Variants in PCDHA2 observed in about 807,000 individuals in gnomAD.
PCDHA2 encodes the protein protocadherin alpha-2.
Under a neutral mutation model 66.0 loss-of-function variants are expected in PCDHA2, and 58 were observed. That is an observed-to-expected ratio of 0.88 (90% CI 0.71 to 1.09). PCDHA2 has a LOEUF of 1.09. PCDHA2 is among the 50% of genes least tolerant of loss of function. PCDHA2 has a pLI of 0.00. For missense variants in PCDHA2, 1,267 were observed against 1,242.3 expected (o/e 1.02, Z -0.30); for synonymous variants, 634 against 554.0 (o/e 1.14, Z -2.03).
chr5:140,796,062 C>A lies in PCDHA2; in HGVS notation c.1098C>A (p.Gly366=), dbSNP rs782198727. The A allele has an allele frequency of 6.2e-7, 1 of 1,614,216 alleles. No homozygotes were observed. The highest frequency in any genetic ancestry group is 1.7e-5 in the Admixed American group (1 of 60,034). The change falls in exon 1 of 4, where the codon GGC becomes GGA. Residue 366 remains glycine, a synonymous_variant. Transcript: ENST00000526136. ...CCATCTCAGAGAACGCTTCCCTGGG[C>A]ACTGTCATTGCTCTCATCACGGTGT... ...SLPISENASL[G]TVIALITVSD... is the part of the protein sequence containing the mutation.
chr5:140,870,085 C>T lies in PCDHA2; in HGVS notation c.2388+72733C>T, dbSNP rs200687541. ...ACAGGCTACAGATAAGGGGACTCCCCCAATGGCAGGTCACTGTACAGTCTG... is the reference window on the plus strand; with the variant it reads ...ACAGGCTACAGATAAGGGGACTCCCTCAATGGCAGGTCACTGTACAGTCTG... On this transcript the variant is annotated intron_variant, in intron 1 of 3. Coordinates refer to ENST00000526136, the MANE Select transcript of PCDHA2 (RefSeq NM_018905.3). 1.7e-4 allele frequency: 271 copies of T among 1,613,744 alleles called. No homozygotes were observed. The highest frequency in any genetic ancestry group is 1.8e-4 in the Non-Finnish European group (215 of 1,179,872).
At chr5:140,948,868 G>A (rs191976148) in intron 1 of PCDHA2, among the ~76,000 whole-genome samples, 20 of 151,330 alleles carry the variant, frequency 1.3e-4, no homozygotes, top group African/African-American at 4.8e-4. Context: ...ATTACTTCGG[G>A]TTTACTTTGC....
chr5:140,891,635 G>A (rs1266162781), intron 1 of PCDHA2, among the ~76,000 whole-genome samples: 3 of 151,868 alleles, frequency 2.0e-5, no homozygotes, highest in African/African-American at 7.3e-5. Context: ...TTTGCTCTTT[G>A]GGCTTTATTG....
intron 1 of PCDHA2, among the ~76,000 whole-genome samples, chr5:140,909,474 C>G (rs1554193804): frequency 6.6e-6 from 1 of 152,182 alleles, no homozygotes; most frequent in African/African-American, 2.4e-5. Context: ...TCTTCACAGG[C>G]TAAATAGGAG....
Position 140,796,371 on chromosome 5 carries a change from G to C in PCDHA2, c.1407G>C (p.Pro469=), listed in dbSNP as rs781906195. Residue 469 remains proline (P), a synonymous_variant, in exon 1 of 4, where the codon CCG becomes CCC. Transcript: ENST00000526136. The part of the protein sequence containing the change: ...EYTVFVKENN[P]PGCHIFTVSA... ...CAGTATTCGTGAAGGAGAACAACCC[G>C]CCGGGCTGCCACATCTTCACGGTGT... 3 of 1,613,896 alleles carry C rather than the reference G, an allele frequency of 1.9e-6. No individual in the cohort carries two copies. Among genetic ancestry groups the C allele is most frequent in the Non-Finnish European group, 2.5e-6 (3 of 1,179,996 alleles).
At chr5:140,876,616 A>C (rs2056459535) in intron 1 of PCDHA2, 1 of 1,614,196 alleles carries the variant, frequency 6.2e-7, no homozygotes, top group Non-Finnish European at 8.5e-7. Flanking sequence ...CTCTGGAGCC[A>C]ATGGACAGGT....
chr5:140,907,139 T>C (rs2073191409), intron 1 of PCDHA2, among the ~76,000 whole-genome samples: 1 of 152,148 alleles, frequency 6.6e-6, no homozygotes, highest in African/African-American at 2.4e-5. Context: ...GAATTCCGGC[T>C]ATGGGAGAAA....
intron 1 of PCDHA2, chr5:140,860,038 C>T (rs1333374793): frequency 6.6e-6 from 1 of 151,844 alleles, no homozygotes; most frequent in African/African-American, 2.4e-5. Context: ...CCTGTAATCC[C>T]AGCATTTTGA....
intron 3 of PCDHA2, among the ~76,000 whole-genome samples, chr5:140,992,857 C>G (rs1234991129): frequency 6.6e-6 from 1 of 152,148 alleles, no homozygotes; most frequent in African/African-American, 2.4e-5. Context: ...ACCAGTTTCA[C>G]TCTAGCTCCC....
rs375001935 is a variant in PCDHA2, at chr5:140,797,049, T to G, written c.2085T>G (p.Asp695Glu). The G allele has an allele frequency of 1.5e-4, 235 of 1,613,612 alleles. No individual in the cohort carries two copies. The highest frequency in any genetic ancestry group is 1.9e-4 in the Non-Finnish European group (228 of 1,179,978). ...GAAGSEATLV[D>E]VNVYLIIAIC... Reference sequence around the variant, plus strand: ...CGGGCTCAGAGGCTACGCTGGTGGATGTCAACGTGTACCTGATCATCGCCA... The same window carrying G: ...CGGGCTCAGAGGCTACGCTGGTGGAGGTCAACGTGTACCTGATCATCGCCA... The change falls in exon 1 of 4, where the codon GAT becomes GAG. Residue 695 changes from aspartate to glutamate, a missense_variant. Physicochemically the swap from Asp to Glu is conservative, Grantham distance 45. Transcript: ENST00000526136.
chr5:140,980,749 G>A (rs1388943582), intron 2 of PCDHA2, among the ~76,000 whole-genome samples: 1 of 151,942 alleles, frequency 6.6e-6, no homozygotes, highest in Non-Finnish European at 1.5e-5. Flanking sequence ...TTTGAGTAGG[G>A]TAAGAAATAA....
In PCDHA2 at chr5:140,795,570, A is replaced by G. The variant is rs1554119495; in HGVS notation, c.606A>G (p.Arg202=). ...TCGTGCTGGGGAAATCGCTGGACAG[A>G]GAGGAAACTGCTGAGGTTAATTTGT... ...LSLVLGKSLD[R]EETAEVNLLL... is the part of the protein sequence containing the mutation. Residue 202 remains arginine (R), a synonymous_variant, in exon 1 of 4, where the codon AGA becomes AGG. Transcript: ENST00000526136. 6.2e-7 allele frequency: 1 copy of G among 1,614,192 alleles called. No homozygotes were observed. Among genetic ancestry groups the G allele is most frequent in the Admixed American group, 1.7e-5 (1 of 60,032 alleles).
Position 140,823,324 on chromosome 5 carries a change from T to C in PCDHA2, c.2388+25972T>C, listed in dbSNP as rs2150124728. Reference sequence around the variant, plus strand: ...GGTGCACGCGGAGAGCGGCAAGGTGTACGCGCTGCAGCCGCTGGACCACGA... The same window carrying C: ...GGTGCACGCGGAGAGCGGCAAGGTGCACGCGCTGCAGCCGCTGGACCACGA... On this transcript the variant is annotated intron_variant, in intron 1 of 3. Coordinates refer to ENST00000526136, the MANE Select transcript of PCDHA2 (RefSeq NM_018905.3). 8 of 1,611,998 alleles carry C rather than the reference T, an allele frequency of 5.0e-6. No individual in the cohort carries two copies. The African/African-American group carries it at 9.3e-5, about 19-fold the overall frequency.
chr5:140,871,461 A>G, intron 1 of PCDHA2: 1 of 1,605,278 alleles, frequency 6.2e-7, no homozygotes, highest in Non-Finnish European at 8.5e-7. Context: ...AGGAAGGGGA[A>G]AGACAGGAGC....
At chr5:140,850,703 G>A (rs1191486729) in intron 1 of PCDHA2, 2 of 1,598,114 alleles carry the variant, frequency 1.3e-6, no homozygotes, top group African/African-American at 2.7e-5. Flanking sequence ...CGCCTGGCAA[G>A]CCGACGCTGG....
At chr5:140,915,770 A>G (rs1215607027) in intron 1 of PCDHA2, among the ~76,000 whole-genome samples, 4 of 151,908 alleles carry the variant, frequency 2.6e-5, no homozygotes, top group African/African-American at 4.8e-5. Context: ...GTCTTGTCCA[A>G]GGCCTGCTGT....
chr5:140,884,174 C>T (rs540874524), intron 1 of PCDHA2: 6 of 1,613,436 alleles, frequency 3.7e-6, no homozygotes, highest in Middle Eastern at 1.7e-4. Flanking sequence ...CACGACGCGC[C>T]CTCTGGACGA....
At position 140,996,204 on chromosome 5, in the gene PCDHA2, A is replaced by G. The variant is rs1405552013; in HGVS notation, c.2537-13423A>G. ...TCCATTTTATACCCTCAATGCAAGG[A>G]TATCACTACTTGTCTAGAAATGGTT... On this transcript the variant is annotated intron_variant, in intron 3 of 3. Coordinates refer to ENST00000526136, the MANE Select transcript of PCDHA2 (RefSeq NM_018905.3). Among the ~76,000 whole-genome samples the G allele has an allele frequency of 7.2e-5, 11 of 152,240 alleles. No homozygotes were observed. The South Asian group carries it at 2.3e-3, about 32-fold the overall frequency.
rs2150347261 is a variant in PCDHA2, at chr5:140,842,884, G to A, written c.2388+45532G>A. ...AGAGCGGCAAGGTGTACGCGCTGCA[G>A]CCGCTGGACCACGAGGAGCTAGAGC... On this transcript the variant is annotated intron_variant, in intron 1 of 3. Transcript: ENST00000526136. 17 of 1,594,074 alleles carry A rather than the reference G, an allele frequency of 1.1e-5. 3 individuals are homozygous for A. The African/African-American group carries it at 1.8e-4, about 16-fold the overall frequency.
Sources: allele counts gnomAD v4.1 joint callset (sites outside exome capture counted in the v4.1 genomes callset), GRCh38; gene constraint gnomAD v4.1.1; transcripts MANE v1.5; gene names NCBI Gene and HGNC (gene_info 2026-07-23, HGNC 2026-07-21).